The following IL1RAPL1 variants were observed in gnomAD, a reference collection of about 807,000 sequenced individuals.
IL1RAPL1 encodes interleukin 1 receptor accessory protein like 1.
Under a neutral mutation model 48.4 loss-of-function variants are expected in IL1RAPL1, and 3 were observed. The ratio of observed to expected loss-of-function variants is 0.06; its 90% CI spans 0.03 to 0.16. The LOEUF is 0.16. Among genes scored for constraint, IL1RAPL1 ranks in the 10% least tolerant of loss-of-function variants. The pLI is 1.00. For missense variants in IL1RAPL1, 349 were observed against 530.6 expected, an observed-to-expected ratio of 0.66 and a Z score of 3.36; for synonymous variants, 185 against 187.7, an observed-to-expected ratio of 0.99 and a Z score of 0.12.
intron 5 of IL1RAPL1, among the ~76,000 whole-genome samples, chrX:29,505,081 T>C (rs1350281368): frequency 8.9e-6 from 1 of 112,115 alleles, no homozygotes; most frequent in East Asian, 2.8e-4. Flanking sequence ...CAACTTATCT[T>C]AGATAAAAAA....
intron 2 of IL1RAPL1, among the ~76,000 whole-genome samples, chrX:29,077,769 A>T (rs182926940): frequency 1.2e-4 from 13 of 111,245 alleles, no homozygotes; most frequent in African/African-American, 3.9e-4. Flanking sequence ...GACACGGCAA[A>T]TCTAGGGGGG....
intron 2 of IL1RAPL1, among the ~76,000 whole-genome samples, chrX:29,261,329 AAAT>A (rs946887124): frequency 2.7e-5 from 3 of 111,443 alleles, no homozygotes; most frequent in African/African-American, 9.8e-5. Context: ...TGTAGGCAAA[AAAT>A]AATAATAACC....
chrX:29,168,833 G>A (rs34979116), intron 2 of IL1RAPL1, among the ~76,000 whole-genome samples: 19 of 64,478 alleles, frequency 2.9e-4, no homozygotes, highest in African/African-American at 7.9e-4. Context: ...AATTGTATAT[G>A]TATATTCATA....
intron 6 of IL1RAPL1, among the ~76,000 whole-genome samples, chrX:29,799,615 C>G (rs969971898): frequency 1.8e-5 from 2 of 111,684 alleles, no homozygotes; most frequent in African/African-American, 6.5e-5. Flanking sequence ...AATAAAAAGT[C>G]AAGAATATTA....
chrX:29,199,434 A>G (rs1602107889), intron 2 of IL1RAPL1, among the ~76,000 whole-genome samples: 1 of 111,693 alleles, frequency 9.0e-6, no homozygotes, highest in African/African-American at 3.2e-5. Context: ...ACCTCAAATA[A>G]TAAAGTATAC....
At chrX:28,956,268 A>T (rs1251232106) in intron 2 of IL1RAPL1, among the ~76,000 whole-genome samples, 2 of 107,587 alleles carry the variant, frequency 1.9e-5, no homozygotes, top group African/African-American at 3.4e-5. Flanking sequence ...TCTCCTGCCT[A>T]ATTGCCCTGG....
chrX:29,173,917 A>G (rs1040603279), intron 2 of IL1RAPL1, among the ~76,000 whole-genome samples: 1 of 110,688 alleles, frequency 9.0e-6, no homozygotes. Context: ...TGAACAATCA[A>G]CAAGATGCTT....
At chrX:29,575,890 A>T (rs958541114) in intron 5 of IL1RAPL1, among the ~76,000 whole-genome samples, 1 of 112,092 alleles carries the variant, frequency 8.9e-6, no homozygotes, top group African/African-American at 3.2e-5. Context: ...GCTGTCATAC[A>T]CATGAAATGC....
At chrX:29,346,760 A>G (rs1304422101) in intron 3 of IL1RAPL1, among the ~76,000 whole-genome samples, 1 of 112,380 alleles carries the variant, frequency 8.9e-6, no homozygotes, top group African/African-American at 3.2e-5. Flanking sequence ...TACATTTCTC[A>G]GGGTACACTA....
intron 2 of IL1RAPL1, among the ~76,000 whole-genome samples, chrX:29,103,184 G>C (rs1274190301): frequency 1.8e-5 from 2 of 111,821 alleles, no homozygotes; most frequent in Non-Finnish European, 3.8e-5. Flanking sequence ...TGAGTGAAAA[G>C]AATAAACCTG....
chrX:28,874,301 A>G (rs1248040638), intron 2 of IL1RAPL1, among the ~76,000 whole-genome samples: 3 of 112,409 alleles, frequency 2.7e-5, no homozygotes, highest in Non-Finnish European at 5.6e-5. Flanking sequence ...TCAAAATAGC[A>G]TAGCATTAAG....
chrX:29,168,239 T>A (rs1929825577), intron 2 of IL1RAPL1, among the ~76,000 whole-genome samples: 1 of 108,710 alleles, frequency 9.2e-6, no homozygotes, highest in Non-Finnish European at 1.9e-5. Context: ...TATTACATTG[T>A]TATTTGCTAT....
chrX:29,609,456 C>T (rs1352447314), intron 5 of IL1RAPL1, among the ~76,000 whole-genome samples: 1 of 111,796 alleles, frequency 8.9e-6, no homozygotes, highest in African/African-American at 3.2e-5. Context: ...TCTTCTCCAC[C>T]TGAATTGTTC....
At chrX:29,750,310 C>T (rs1341439268) in intron 6 of IL1RAPL1, among the ~76,000 whole-genome samples, 1 of 111,985 alleles carries the variant, frequency 8.9e-6, no homozygotes. Context: ...TAGTCCGTGA[C>T]TTTGTATTCA....
chrX:29,132,009 A>C (rs1929032654), intron 2 of IL1RAPL1, among the ~76,000 whole-genome samples: 1 of 111,672 alleles, frequency 9.0e-6, no homozygotes, highest in African/African-American at 3.2e-5. Flanking sequence ...CTGATGTCAA[A>C]ATTCATTTGG....
At chrX:29,318,083 T>C (rs1932776436) in intron 3 of IL1RAPL1, among the ~76,000 whole-genome samples, 1 of 112,314 alleles carries the variant, frequency 8.9e-6, no homozygotes, top group African/African-American at 3.2e-5. Flanking sequence ...AACCCAGTAC[T>C]GTGCTTGATT....
At chrX:28,797,818 C>G (rs770275060) in intron 2 of IL1RAPL1, among the ~76,000 whole-genome samples, 3 of 111,697 alleles carry the variant, frequency 2.7e-5, no homozygotes, top group South Asian at 7.5e-4. Context: ...ACTCCTGGTA[C>G]CAATTTACTG....
chrX:29,643,139 G>A (rs995575231), intron 5 of IL1RAPL1, among the ~76,000 whole-genome samples: 1 of 112,089 alleles, frequency 8.9e-6, no homozygotes, highest in African/African-American at 3.2e-5. Context: ...AGCTATGTAC[G>A]CTTTTTCTCT....
chrX:29,862,781 G>A (rs1190450504), intron 6 of IL1RAPL1, among the ~76,000 whole-genome samples: 2 of 109,840 alleles, frequency 1.8e-5, no homozygotes, highest in African/African-American at 3.3e-5. Flanking sequence ...ATTACTGGCT[G>A]CATGTTTGTA....
Sources: gnomAD v4.1 joint callset for allele counts (sites outside exome capture counted in the v4.1 genomes callset) on GRCh38, gnomAD v4.1.1 for gene constraint, MANE v1.5 for transcripts, NCBI Gene and HGNC (gene_info 2026-07-23, HGNC 2026-07-21) for gene names.